Variants in CACNA1E observed in about 807,000 individuals in gnomAD.
CACNA1E encodes the protein calcium voltage-gated channel subunit alpha1 E, also known as voltage-dependent R-type calcium channel subunit alpha-1E.
A neutral mutation model predicts 259.2 loss-of-function variants in CACNA1E; 40 were observed. The ratio of observed to expected loss-of-function variants is 0.15; its 90% CI spans 0.12 to 0.20. The LOEUF (loss-of-function observed/expected upper bound fraction) is 0.20, where lower values mean the gene tolerates loss of function less well. Ranked by LOEUF, CACNA1E falls within the 10% of genes least tolerant of loss-of-function variation. CACNA1E has a pLI of 1.00. For missense variants in CACNA1E, 1,874 were observed against 3,040.1 expected, an observed-to-expected ratio of 0.62 and a Z score of 9.02; for synonymous variants, 1,104 against 1,138.5, an observed-to-expected ratio of 0.97 and a Z score of 0.61.
chr1:181,749,772 A>T lies in CACNA1E; in HGVS notation c.3720-704A>T, dbSNP rs77920368. 5.5e-3 allele frequency among the ~76,000 whole-genome samples: 838 copies of T among 152,310 alleles called. 17 individuals carry two copies. Among genetic ancestry groups the T allele is most frequent in the African/African-American group, 0.019 (801 of 41,566 alleles). ...ATGCCTCACCAGTAGAACTGGGATG[A>T]TTTTTCACCTTCAAGCTGCACAGTA... On this transcript the variant is annotated intron_variant, in intron 25 of 47. Coordinates refer to ENST00000367573, the MANE Select transcript of CACNA1E (RefSeq NM_001205293.3).
intron 3 of CACNA1E, among the ~76,000 whole-genome samples, chr1:181,523,634 G>T (rs1455283529): frequency 1.3e-5 from 2 of 152,174 alleles, no homozygotes; most frequent in Non-Finnish European, 2.9e-5. Flanking sequence ...TAACCATGTT[G>T]TTAAGGGGCT....
chr1:181,533,953 AT>A (rs1040898945), intron 3 of CACNA1E, among the ~76,000 whole-genome samples: 3 of 151,488 alleles, frequency 2.0e-5, no homozygotes, highest in Admixed American at 6.6e-5. Context: ...ATGTTGGTAG[AT>A]TTTTTTTTAG....
rs751082929 is a variant in CACNA1E at position 181,641,703 on chromosome 1, G to GTTTTTTTTTTT, written c.952-9617_952-9607dup. Among the ~76,000 whole-genome samples, 20 of 81,124 alleles carry GTTTTTTTTTTT rather than the reference G, an allele frequency of 2.5e-4. 4 individuals carry two copies. The highest frequency in any genetic ancestry group is 3.9e-4 in the African/African-American group (9 of 22,914). The allele number at this position is 81,124 out of a possible 152,430, so 53.2% of individuals were successfully genotyped here. A position where few individuals can be genotyped will look rare whatever the true frequency, so the allele number is the denominator to read the frequency against. The stretch of plus-strand genomic sequence containing the variant: ...GATCATGAGGCAACACTAATTTTTT[G>GTTTTTTTTTTT]TTTTTTTTTTTTTTTTTTTTTTTTT... On this transcript the variant is annotated intron_variant, in intron 6 of 47. Coordinates refer to ENST00000367573, the MANE Select transcript of CACNA1E (RefSeq NM_001205293.3).
intron 3 of CACNA1E, among the ~76,000 whole-genome samples, chr1:181,559,461 A>G (rs1282948797): frequency 2.0e-5 from 3 of 152,164 alleles, no homozygotes; most frequent in Admixed American, 6.5e-5. Flanking sequence ...GATTGAAAAT[A>G]AAAGTGGGGA....
chr1:181,717,361 G>A, intron 11 of CACNA1E, 59 bp downstream of exon 11: 1 of 1,424,980 alleles, frequency 7.0e-7, no homozygotes, highest in Non-Finnish European at 9.9e-7. Flanking sequence ...GCAGCTTGAT[G>A]TGTGTGTGAA....
At chr1:181,513,303 A>G (rs1158767839) in intron 3 of CACNA1E, among the ~76,000 whole-genome samples, 1 of 152,218 alleles carries the variant, frequency 6.6e-6, no homozygotes, top group Non-Finnish European at 1.5e-5. Context: ...CTGTCTTTTA[A>G]ATGCTTGTAA....
chr1:181,659,287 G>A (rs1647352224), intron 7 of CACNA1E, among the ~76,000 whole-genome samples: 1 of 152,180 alleles, frequency 6.6e-6, no homozygotes, highest in South Asian at 2.1e-4. Context: ...TGGGGCACAG[G>A]CATTGGTGGG....
intron 1 of CACNA1E, among the ~76,000 whole-genome samples, chr1:181,405,582 A>T (rs188560688): frequency 1.2e-4 from 18 of 152,320 alleles, no homozygotes; most frequent in Admixed American, 5.9e-4. Context: ...ACCTCCCTTA[A>T]GTTCCTTAGA....
intron 7 of CACNA1E, among the ~76,000 whole-genome samples, chr1:181,678,918 C>A (rs947250495): frequency 6.6e-6 from 1 of 152,200 alleles, no homozygotes; most frequent in Non-Finnish European, 1.5e-5. Context: ...AACTAGCCTC[C>A]TGTGAAACAT....
intron 42 of CACNA1E, 42 bp from the exon 43 acceptor site, chr1:181,785,671 G>A (rs1456800962): frequency 7.6e-7 from 1 of 1,322,016 alleles, no homozygotes; most frequent in South Asian, 1.2e-5. Context: ...AAACTCCGTA[G>A]TCATTGGAAT....
intron 7 of CACNA1E, among the ~76,000 whole-genome samples, chr1:181,658,402 T>C (rs1330540701): frequency 1.3e-5 from 2 of 152,216 alleles, no homozygotes; most frequent in East Asian, 1.9e-4. Flanking sequence ...AAACCACTTA[T>C]TAGCATTGCG....
At position 181,804,980 on chromosome 1, in the gene CACNA1E, G is replaced by A. The variant is rs187560388; in HGVS notation, c.*6146G>A. 1 of 146,284 alleles carries A rather than the reference G, an allele frequency of 6.8e-6. No individual in the cohort carries two copies. The highest frequency in any genetic ancestry group is 6.8e-5 in the Admixed American group (1 of 14,700). The allele number at this position is 146,284 out of a possible 1,614,324, so 9.1% of individuals were successfully genotyped here. ...TCTATCCAGAAAGTTGGGTTTTCATGATCTGAGCTTCCTTATGTCTCCTTC... is the reference window on the plus strand; with the variant it reads ...TCTATCCAGAAAGTTGGGTTTTCATAATCTGAGCTTCCTTATGTCTCCTTC... On this transcript the variant is annotated 3_prime_UTR_variant, in exon 48 of 48. Transcript: ENST00000367573.
chr1:181,442,235 G>A (rs1660527698), intron 2 of CACNA1E, among the ~76,000 whole-genome samples: 1 of 151,228 alleles, frequency 6.6e-6, no homozygotes, highest in Non-Finnish European at 1.5e-5. Context: ...GCATAAGTAT[G>A]AGGGACACAG....
intron 6 of CACNA1E, among the ~76,000 whole-genome samples, chr1:181,649,162 A>G (rs559966786): frequency 1.3e-5 from 2 of 152,120 alleles, no homozygotes; most frequent in Non-Finnish European, 2.9e-5. Context: ...GGATCTTTCT[A>G]CTAATATTCA....
chr1:181,543,514 G>A (rs1375777149), intron 3 of CACNA1E, among the ~76,000 whole-genome samples: 1 of 152,164 alleles, frequency 6.6e-6, no homozygotes, highest in Admixed American at 6.5e-5. Flanking sequence ...GATGGGAATA[G>A]TGCTTTCAGA....
At chr1:181,346,428 G>A (rs1652598684) in intron 1 of CACNA1E, among the ~76,000 whole-genome samples, 1 of 152,192 alleles carries the variant, frequency 6.6e-6, no homozygotes, top group South Asian at 2.1e-4. Context: ...CTGATTTGTT[G>A]CCAGTACAGT....
At chr1:181,582,475 A>G (rs1412965740) in intron 6 of CACNA1E, among the ~76,000 whole-genome samples, 4 of 152,240 alleles carry the variant, frequency 2.6e-5, no homozygotes, top group African/African-American at 9.6e-5. Flanking sequence ...ATGCATTTCA[A>G]TTATATGTGT....
At chr1:181,533,921 TA>T (rs1278209662) in intron 3 of CACNA1E, among the ~76,000 whole-genome samples, 3 of 152,148 alleles carry the variant, frequency 2.0e-5, no homozygotes, top group African/African-American at 7.2e-5. Flanking sequence ...AGCAATCGTG[TA>T]AAAGTTTGTT....
At chr1:181,596,557 CGTGTGTGTGTGTGT>C (rs60302499) in intron 6 of CACNA1E, among the ~76,000 whole-genome samples, 3,997 of 140,586 alleles carry the variant, frequency 0.028, 87 homozygotes, top group Non-Finnish European at 0.045. Flanking sequence ...CCACCATGTA[CGTGTGTGTGTGTGT>C]GTGTGTGTGT....
Sources: gnomAD v4.1 joint callset for allele counts (sites outside exome capture counted in the v4.1 genomes callset) on GRCh38, gnomAD v4.1.1 for gene constraint, MANE v1.5 for transcripts, NCBI Gene and HGNC (gene_info 2026-07-23, HGNC 2026-07-21) for gene names.